The following DBF4B variants were observed in gnomAD, a reference collection of about 807,000 sequenced individuals.
DBF4B encodes the protein protein DBF4 homolog B.
A neutral mutation model predicts 53.4 loss-of-function variants in DBF4B; 49 were observed. The observed-to-expected ratio is 0.92, with a 90% confidence interval of 0.73 to 1.16. The LOEUF (loss-of-function observed/expected upper bound fraction) is 1.16, where lower values mean the gene tolerates loss of function less well. Among genes scored for constraint, DBF4B ranks in the 50% most tolerant of loss-of-function variants. The pLI, the probability that DBF4B is intolerant of heterozygous loss-of-function variation, is 0.00. For synonymous variants in DBF4B, 257 were observed against 288.7 expected, an observed-to-expected ratio of 0.89 and a Z score of 1.11; for missense variants, 692 against 775.0, an observed-to-expected ratio of 0.89 and a Z score of 1.27.
Position 44,741,372 on chromosome 17 carries a change from T to C in DBF4B, c.750T>C (p.Phe250=), listed in dbSNP as rs139072079. 38 of 1,613,586 alleles carry C rather than the reference T, an allele frequency of 2.4e-5. No individual in the cohort carries two copies. The African/African-American group carries it at 4.7e-4, about 20-fold the overall frequency. The change falls in exon 10 of 14, where the codon TTT becomes TTC. Residue 250 remains phenylalanine, a synonymous_variant. Transcript: ENST00000315005. ...FRPFHHQFKS[F]PEISFLGPKD... Reference sequence around the variant, plus strand: ...CTTTCCATCATCAGTTTAAATCCTTTCCTGAAATTTCTTTTCTTGGACCCA... The same window carrying C: ...CTTTCCATCATCAGTTTAAATCCTTCCCTGAAATTTCTTTTCTTGGACCCA...
chr17:44,708,762 A>T lies in DBF4B; in HGVS notation c.-59A>T. On this transcript the variant is annotated 5_prime_UTR_variant, in exon 1 of 14. Coordinates refer to ENST00000315005, the MANE Select transcript of DBF4B (RefSeq NM_145663.3). The stretch of plus-strand genomic sequence containing the variant: ...TCGGGAAGAGCTCATGGAGCTCGCG[A>T]ATGTAATACGGAGGCCTCTGAGGAA... 1 of 1,541,488 alleles carries T rather than the reference A, an allele frequency of 6.5e-7. No individual in the cohort carries two copies. The highest frequency in any genetic ancestry group is 8.8e-7 in the Non-Finnish European group (1 of 1,140,756).
chr17:44,751,319 C>A lies in DBF4B; in HGVS notation c.*66C>A. 6.5e-7 allele frequency: 1 copy of A among 1,541,774 alleles called. No individual in the cohort carries two copies. Among genetic ancestry groups the A allele is most frequent in the South Asian group, 1.2e-5 (1 of 80,138 alleles). On this transcript the variant is annotated 3_prime_UTR_variant, in exon 14 of 14. Transcript: ENST00000315005. Reference sequence around the variant, plus strand: ...GGGTGCTGCTTGATGTGAATGAGGTCCCGCAGTGGCTCCTTGGCGTGAGCA... The same window carrying A: ...GGGTGCTGCTTGATGTGAATGAGGTACCGCAGTGGCTCCTTGGCGTGAGCA...
chr17:44,723,774 T>C (rs1357873693), intron 3 of DBF4B, among the ~76,000 whole-genome samples: 5 of 150,706 alleles, frequency 3.3e-5, no homozygotes, highest in African/African-American at 1.2e-4. Context: ...AAAAAAATGA[T>C]AAATAAATAA....
chr17:44,739,875 A>G (rs1975825966), intron 9 of DBF4B, among the ~76,000 whole-genome samples: 2 of 152,064 alleles, frequency 1.3e-5, no homozygotes, highest in South Asian at 4.2e-4. Context: ...GATTCAAGCG[A>G]TTCTTCTGCC....
chr17:44,749,681 C>G lies in DBF4B; in HGVS notation c.1190-914C>G. On this transcript the variant is annotated intron_variant, in intron 13 of 13. Transcript: ENST00000315005. This position sits in a 1 kb window ranked among gnomAD's most constrained non-coding sequence, Gnocchi z 4.4. Reference sequence around the variant, plus strand: ...GAGGCTGGCCGCCCACGCCAGGAGGCAGAGGCGAAGTTGGCATGGGGAGGG... The same window carrying G: ...GAGGCTGGCCGCCCACGCCAGGAGGGAGAGGCGAAGTTGGCATGGGGAGGG... The G allele has an allele frequency of 1.1e-5, 13 of 1,165,500 alleles. No homozygotes were observed. The highest frequency in any genetic ancestry group is 1.4e-5 in the Non-Finnish European group (13 of 929,038). 72.2% of individuals were successfully genotyped at this position (1,165,500 alleles called of 1,614,324 possible).
intron 2 of DBF4B, among the ~76,000 whole-genome samples, chr17:44,718,539 C>G (rs78268483): frequency 0.035 from 5,343 of 151,962 alleles, 304 homozygotes; most frequent in African/African-American, 0.12. Flanking sequence ...TTGAAGTCAC[C>G]TCTAAATTTG....
intron 2 of DBF4B, among the ~76,000 whole-genome samples, chr17:44,722,235 A>AACACACACACACACACACACACAC (rs372541456): frequency 1.3e-5 from 2 of 151,462 alleles, no homozygotes; most frequent in African/African-American, 2.4e-5. Context: ...TGTGCTCTCC[A>AACACACACACACACACACACACAC]ACACACACAC....
At chr17:44,733,379 T>C (rs149921155) in intron 6 of DBF4B, among the ~76,000 whole-genome samples, 1 of 152,338 alleles carries the variant, frequency 6.6e-6, no homozygotes, top group East Asian at 1.9e-4. Context: ...GCTCCTTCTT[T>C]TTTCACACTG....
Position 44,749,799 on chromosome 17 carries a change from G to A in DBF4B, c.1190-796G>A. 3 of 1,054,024 alleles carry A rather than the reference G, an allele frequency of 2.8e-6. No individual in the cohort carries two copies. Among genetic ancestry groups the A allele is most frequent in the Non-Finnish European group, 3.4e-6 (3 of 870,350 alleles). 65.3% of individuals were successfully genotyped at this position (1,054,024 alleles called of 1,614,324 possible). On this transcript the variant is annotated intron_variant, in intron 13 of 13. Transcript: ENST00000315005. This position sits in a 1 kb window ranked among gnomAD's most constrained non-coding sequence, Gnocchi z 4.4. Reference sequence around the variant, plus strand: ...TCTGCAGAGCCGCGGGTTAGCTGTTGGTGTGCTCCACCCCCAACCCCGGCC... The same window carrying A: ...TCTGCAGAGCCGCGGGTTAGCTGTTAGTGTGCTCCACCCCCAACCCCGGCC...
At chr17:44,720,674 G>A (rs1284887020) in intron 2 of DBF4B, 1 of 152,788 alleles carries the variant, frequency 6.5e-6, no homozygotes, top group Non-Finnish European at 1.5e-5. Flanking sequence ...AAGTTTTCAT[G>A]TGGCTGTGTT....
At position 44,734,072 on chromosome 17, in the gene DBF4B, C is replaced by T. The variant is rs1975108466; in HGVS notation, c.557-18C>T. ...AAGACTGGAAGCCTTTGGCACAAAC[C>T]CTCTGTCTTCTCCACAGAAATGATG... On this transcript the variant is annotated intron_variant, in intron 6 of 13. Coordinates refer to ENST00000315005, the MANE Select transcript of DBF4B (RefSeq NM_145663.3). 2 of 1,607,248 alleles carry T rather than the reference C, an allele frequency of 1.2e-6. No individual in the cohort carries two copies. Among genetic ancestry groups the T allele is most frequent in the East Asian group, 2.2e-5 (1 of 44,856 alleles).
intron 5 of DBF4B, chr17:44,731,960 A>G (rs1338602325): frequency 1.8e-6 from 1 of 554,086 alleles, no homozygotes; most frequent in African/African-American, 1.9e-5. Context: ...TAGGCAGACC[A>G]GTGGTCCTTC....
rs763607829 is a variant in DBF4B at position 44,709,350 on chromosome 17, C to G, written c.66C>G (p.Leu22=). The G allele has an allele frequency of 6.2e-7, 1 of 1,614,084 alleles. No individual in the cohort carries two copies. Among genetic ancestry groups the G allele is most frequent in the South Asian group, 1.1e-5 (1 of 91,082 alleles). Residue 22 remains leucine (L), a synonymous_variant, in exon 2 of 14, where the codon CTC becomes CTG. Coordinates refer to ENST00000315005, the MANE Select transcript of DBF4B (RefSeq NM_145663.3). ...ELESSMAESR[L]RAPDLGVSRC... ...AGAGTTCCATGGCTGAGAGTAGGCT[C>G]CGGGCCCCGGACCTAGGTGGGTAAC... is the stretch of plus-strand genomic sequence containing the variant.
At position 44,751,237 on chromosome 17, in the gene DBF4B, C is replaced by CT. The variant is rs760603756; in HGVS notation, c.1833dup (p.Val612CysfsTer23). On this transcript the variant is annotated frameshift_variant, in exon 14 of 14. Coordinates refer to ENST00000315005, the MANE Select transcript of DBF4B (RefSeq NM_145663.3). LOFTEE classifies it high-confidence loss of function. Reference sequence around the variant, plus strand: ...CCATTTCTCCATTGCGGCTTCCTGGCTGTAGACTCAGGTTAGAGGTGAACC... The same window carrying CT: ...CCATTTCTCCATTGCGGCTTCCTGGCTTGTAGACTCAGGTTAGAGGTGAACC... 6.2e-7 allele frequency: 1 copy of CT among 1,612,982 alleles called. No individual in the cohort carries two copies. The highest frequency in any genetic ancestry group is 1.1e-5 in the South Asian group (1 of 90,966).
intron 7 of DBF4B, among the ~76,000 whole-genome samples, chr17:44,735,792 C>T (rs1598827669): frequency 6.6e-6 from 1 of 152,202 alleles, no homozygotes; most frequent in Non-Finnish European, 1.5e-5. Context: ...CAAGGTGTGG[C>T]CTAGAGGAGA....
chr17:44,751,107 C>T lies in DBF4B; in HGVS notation c.1702C>T (p.Pro568Ser). The change falls in exon 14 of 14, where the codon CCC becomes TCC. Residue 568 changes from proline (P) to serine (S), a missense_variant. Pro to Ser is a moderately conservative substitution (Grantham distance 74). Around this residue, in one of 3 missense-constraint regions of DBF4B, gnomAD observed 597 missense variants for 665.8 expected, o/e 0.90. Coordinates refer to ENST00000315005, the MANE Select transcript of DBF4B (RefSeq NM_145663.3). Reference sequence around the variant, plus strand: ...CTCATTGTCAACTGCAGGACCCATTCCCCGAACCTCACATCCGTGTACCCT... The same window carrying T: ...CTCATTGTCAACTGCAGGACCCATTTCCCGAACCTCACATCCGTGTACCCT... The part of the protein sequence containing the change: ...VPSLSTAGPI[P>S]RTSHPCTLAF... 6.2e-7 allele frequency: 1 copy of T among 1,614,144 alleles called. No individual in the cohort carries two copies. Among genetic ancestry groups the T allele is most frequent in the Non-Finnish European group, 8.5e-7 (1 of 1,180,008 alleles).
At chr17:44,750,161 C>T (rs1253045672) in intron 13 of DBF4B, 2 of 999,152 alleles carry the variant, frequency 2.0e-6, no homozygotes, top group Non-Finnish European at 1.2e-6. Context: ...CTCGCTCCCT[C>T]CTCTCCTTCC....
intron 2 of DBF4B, among the ~76,000 whole-genome samples, chr17:44,712,603 C>G (rs1421568387): frequency 6.6e-6 from 1 of 151,918 alleles, no homozygotes; most frequent in Non-Finnish European, 1.5e-5. Context: ...CACGCCCAGC[C>G]AAATTTTTTG....
intron 7 of DBF4B, among the ~76,000 whole-genome samples, chr17:44,735,737 A>T (rs116785658): frequency 2.6e-3 from 400 of 152,318 alleles, no homozygotes; most frequent in Middle Eastern, 0.01. Flanking sequence ...TAATGTGCTG[A>T]TACGCAAGGG....
Sources: allele counts gnomAD v4.1 joint callset (sites outside exome capture counted in the v4.1 genomes callset), GRCh38; gene constraint gnomAD v4.1.1; regional missense constraint gnomAD v4.1.1; non-coding constraint Gnocchi (gnomAD v3.1); transcripts MANE v1.5; gene names NCBI Gene and HGNC (gene_info 2026-07-23, HGNC 2026-07-21).